The following CAST variants were observed in gnomAD, a reference collection of about 807,000 sequenced individuals.
The protein encoded by CAST is calpastatin, also known as MIR583 host.
Under a neutral mutation model 119.6 loss-of-function variants are expected in CAST, and 76 were observed. That is an observed-to-expected ratio of 0.64 (90% CI 0.53 to 0.77). The LOEUF is 0.77. Among genes scored for constraint, CAST ranks in the 30% least tolerant of loss-of-function variants. CAST has a pLI of 0.00. For missense variants in CAST, 953 were observed against 946.5 expected, an observed-to-expected ratio of 1.01 and a Z score of -0.09; for synonymous variants, 319 against 331.6, an observed-to-expected ratio of 0.96 and a Z score of 0.41.
chr5:96,389,229 C>A, the CAST span, among the ~76,000 whole-genome samples: 2 of 151,958 alleles, frequency 1.3e-5, no homozygotes, highest in Non-Finnish European at 2.9e-5. Flanking sequence ...TGGAAATTTG[C>A]TTAAAGAGTT....
At chr5:96,660,218 C>T (rs1243806958), upstream of CAST, among the ~76,000 whole-genome samples, 4 of 152,178 alleles carry the variant, frequency 2.6e-5, no homozygotes, top group African/African-American at 9.7e-5. Context: ...CTGTTCACAC[C>T]TCACCAGCTA....
intron 1 of CAST, among the ~76,000 whole-genome samples, chr5:96,608,041 A>AG (rs11460438): frequency 0.37 from 55,950 of 151,936 alleles, 11,038 homozygotes; most frequent in Admixed American, 0.45. Context: ...ACTGTGTAAT[A>AG]GACACCAGAA....
intron 1 of CAST, among the ~76,000 whole-genome samples, chr5:96,577,368 T>C (rs1580832126): frequency 6.6e-6 from 1 of 152,130 alleles, no homozygotes; most frequent in African/African-American, 2.4e-5. Context: ...ATTTTGCTGC[T>C]TTAAATTTTA....
chr5:96,457,950 A>T, the CAST span, among the ~76,000 whole-genome samples: 61 of 152,346 alleles, frequency 4.0e-4, no homozygotes, highest in African/African-American at 1.5e-3. Flanking sequence ...TTTGCTTTGG[A>T]AAATTAATGA....
the CAST span, among the ~76,000 whole-genome samples, chr5:96,450,190 A>G: frequency 6.6e-6 from 1 of 152,230 alleles, no homozygotes; most frequent in Admixed American, 6.5e-5. Flanking sequence ...GGATTTTAAA[A>G]ATGTGATATC....
the CAST span, among the ~76,000 whole-genome samples, chr5:96,101,557 G>C: frequency 6.6e-6 from 1 of 152,178 alleles, no homozygotes; most frequent in African/African-American, 2.4e-5. Flanking sequence ...CCAGCTGCCT[G>C]TCTTCCCGAT....
At chr5:96,088,240 G>A in the CAST span, among the ~76,000 whole-genome samples, 94,997 of 152,050 alleles carry the variant, frequency 0.62, 29,840 homozygotes, top group Middle Eastern at 0.68. Context: ...ATCCATTAAT[G>A]TGACTGCAAC....
chr5:96,756,023 C>A (rs1479895001), intron 22 of CAST, among the ~76,000 whole-genome samples: 1 of 152,182 alleles, frequency 6.6e-6, no homozygotes, highest in Non-Finnish European at 1.5e-5. Flanking sequence ...GATTCACAGT[C>A]CCTGATCACT....
At chr5:96,334,929 T>A in the CAST span, among the ~76,000 whole-genome samples, 6 of 152,194 alleles carry the variant, frequency 3.9e-5, no homozygotes, top group Non-Finnish European at 4.4e-5. Flanking sequence ...TTCCATTTCT[T>A]GCCTCACCCA....
At chr5:96,186,974 G>C in the CAST span, among the ~76,000 whole-genome samples, 2 of 152,108 alleles carry the variant, frequency 1.3e-5, no homozygotes, top group Admixed American at 1.3e-4. Context: ...GAATCCTTCT[G>C]GTCCTGGGCT....
At chr5:96,516,327 C>A in the CAST span, among the ~76,000 whole-genome samples, 1 of 151,964 alleles carries the variant, frequency 6.6e-6, no homozygotes. Flanking sequence ...CGATCTCCCA[C>A]ACTCCTGAAT....
At chr5:96,109,365 T>A in the CAST span, among the ~76,000 whole-genome samples, 1 of 152,230 alleles carries the variant, frequency 6.6e-6, no homozygotes, top group Admixed American at 6.5e-5. Context: ...GTAATCAGTT[T>A]TACCTTGATA....
the CAST span, among the ~76,000 whole-genome samples, chr5:95,975,376 G>C: frequency 6.6e-6 from 1 of 152,122 alleles, no homozygotes; most frequent in South Asian, 2.1e-4. Context: ...AGCCCTCAGA[G>C]GTTTTGATTT....
At chr5:96,113,413 G>A in the CAST span, among the ~76,000 whole-genome samples, 1 of 152,216 alleles carries the variant, frequency 6.6e-6, no homozygotes, top group Non-Finnish European at 1.5e-5. Flanking sequence ...TAACTGAATT[G>A]CAAAGCCAGG....
the CAST span, among the ~76,000 whole-genome samples, chr5:96,495,569 C>A: frequency 6.6e-6 from 1 of 152,160 alleles, no homozygotes; most frequent in Non-Finnish European, 1.5e-5. Context: ...TTTCCAGCTT[C>A]ATCCATGTCC....
the CAST span, among the ~76,000 whole-genome samples, chr5:96,326,817 C>T: frequency 6.8e-6 from 1 of 146,472 alleles, no homozygotes; most frequent in Non-Finnish European, 1.5e-5. Flanking sequence ...CTTGAGATTT[C>T]ACCAAGTTCT....
the CAST span, among the ~76,000 whole-genome samples, chr5:96,359,772 C>T: frequency 6.6e-6 from 1 of 152,098 alleles, no homozygotes; most frequent in African/African-American, 2.4e-5. Context: ...AACATTTTTT[C>T]CTTCATTTCC....
intron 3 of CAST, 60 bp downstream of exon 3, chr5:96,695,967 G>A: frequency 1.7e-6 from 2 of 1,160,074 alleles, no homozygotes; most frequent in Admixed American, 2.1e-5. Context: ...TATGATTAGT[G>A]GGTGGGGCCT....
At chr5:96,587,636 A>G (rs996836964) in intron 1 of CAST, among the ~76,000 whole-genome samples, 1 of 152,258 alleles carries the variant, frequency 6.6e-6, no homozygotes, top group African/African-American at 2.4e-5. Context: ...AACATACTTA[A>G]TCATGAAAAA....
Sources: gnomAD v4.1 joint callset for allele counts (sites outside exome capture counted in the v4.1 genomes callset) on GRCh38, gnomAD v4.1.1 for gene constraint, MANE v1.5 for transcripts, NCBI Gene and HGNC (gene_info 2026-07-23, HGNC 2026-07-21) for gene names.